The following CNTNAP4 variants were observed in gnomAD, a reference collection of about 807,000 sequenced individuals.
CNTNAP4 encodes the protein contactin associated protein family member 4.
Under a neutral mutation model 148.4 loss-of-function variants are expected in CNTNAP4, and 98 were observed. That is an observed-to-expected ratio of 0.66 (90% CI 0.56 to 0.78). CNTNAP4 has a LOEUF of 0.78. Among genes scored for constraint, CNTNAP4 ranks in the 30% least tolerant of loss-of-function variants. CNTNAP4 has a pLI of 0.00. For missense variants in CNTNAP4, 1,935 were observed against 1,565.6 expected, an observed-to-expected ratio of 1.24 and a Z score of -3.98; for synonymous variants, 730 against 565.1, an observed-to-expected ratio of 1.29 and a Z score of -4.14.
rs1384955631 is a variant in CNTNAP4, at chr16:76,475,928, C to T, written c.1656-11C>T. The stretch of plus-strand genomic sequence containing the variant: ...ATGGAAACTGGTGATTGTATCTGCA[C>T]CTTCTTTTAGGTGTTTGCCCAACTA... On this transcript the variant is annotated splice_polypyrimidine_tract_variant and intron_variant, in intron 10 of 23. Transcript: ENST00000611870. 1 of 1,601,500 alleles carries T rather than the reference C, an allele frequency of 6.2e-7. No individual in the cohort carries two copies. Among genetic ancestry groups the T allele is most frequent in the South Asian group, 1.1e-5 (1 of 90,710 alleles).
At chr16:76,524,998 G>T (rs1427083362) in intron 17 of CNTNAP4, among the ~76,000 whole-genome samples, 1 of 152,042 alleles carries the variant, frequency 6.6e-6, no homozygotes, top group Non-Finnish European at 1.5e-5. Flanking sequence ...TGTAGTCTTG[G>T]GTAGAGAAAA....
intron 15 of CNTNAP4, among the ~76,000 whole-genome samples, chr16:76,504,503 CTA>C (rs1568435042): frequency 6.6e-6 from 1 of 151,978 alleles, no homozygotes; most frequent in African/African-American, 2.4e-5. Flanking sequence ...AAACCACAAA[CTA>C]TAACACTGCT....
At chr16:76,549,865 G>A (rs1361216559) in intron 21 of CNTNAP4, among the ~76,000 whole-genome samples, 1 of 152,076 alleles carries the variant, frequency 6.6e-6, no homozygotes, top group Non-Finnish European at 1.5e-5. Flanking sequence ...CATTCTAAGA[G>A]AATAAAAAGG....
At chr16:76,497,141 A>G (rs186810406) in intron 14 of CNTNAP4, among the ~76,000 whole-genome samples, 2 of 152,332 alleles carry the variant, frequency 1.3e-5, no homozygotes, top group African/African-American at 4.8e-5. Flanking sequence ...GTAAATATAA[A>G]AGCCAGTGTT....
chr16:76,415,091 G>A (rs1197006622), intron 3 of CNTNAP4, among the ~76,000 whole-genome samples: 2 of 150,906 alleles, frequency 1.3e-5, no homozygotes, highest in Non-Finnish European at 3.0e-5. Flanking sequence ...CAAAATTCGG[G>A]ATAAACACAA....
intron 2 of CNTNAP4, among the ~76,000 whole-genome samples, chr16:76,323,214 T>G (rs1380321960): frequency 6.6e-6 from 1 of 152,160 alleles, no homozygotes; most frequent in African/African-American, 2.4e-5. Context: ...GTTATTAGAT[T>G]GAAGTAAAGC....
At chr16:76,321,728 G>A (rs1040343066) in intron 2 of CNTNAP4, among the ~76,000 whole-genome samples, 8 of 145,618 alleles carry the variant, frequency 5.5e-5, no homozygotes, top group Admixed American at 2.1e-4. Flanking sequence ...GGTGGAGGTT[G>A]TAGTGAGCTG....
At chr16:76,480,912 G>A (rs12445605) in intron 12 of CNTNAP4, among the ~76,000 whole-genome samples, 6,384 of 152,162 alleles carry the variant, frequency 0.042, 300 homozygotes, top group African/African-American at 0.11. Context: ...AAAATTATGA[G>A]TAAATACACA....
chr16:76,547,684 G>A (rs1032164791), intron 21 of CNTNAP4, among the ~76,000 whole-genome samples: 5 of 152,108 alleles, frequency 3.3e-5, no homozygotes, highest in African/African-American at 1.2e-4. Context: ...ATTTTCACTC[G>A]TTCCGAGTAG....
chr16:76,490,255 C>T (rs368734503), intron 13 of CNTNAP4, among the ~76,000 whole-genome samples: 30 of 152,256 alleles, frequency 2.0e-4, no homozygotes, highest in East Asian at 1.5e-3. Context: ...AATAAAAATA[C>T]GACTTAGTTT....
At chr16:76,520,252 T>C (rs551256472) in intron 15 of CNTNAP4, among the ~76,000 whole-genome samples, 227 of 152,328 alleles carry the variant, frequency 1.5e-3, no homozygotes, top group Middle Eastern at 3.4e-3. Context: ...TGTCAGCTCA[T>C]GCTGTTGCAT....
chr16:76,513,646 G>C (rs191875545), intron 15 of CNTNAP4, among the ~76,000 whole-genome samples: 1 of 152,024 alleles, frequency 6.6e-6, no homozygotes, highest in Admixed American at 6.5e-5. Flanking sequence ...TTACAAATGG[G>C]CTGTAACAGA....
intron 2 of CNTNAP4, among the ~76,000 whole-genome samples, chr16:76,336,816 A>G (rs974153974): frequency 3.3e-5 from 5 of 152,218 alleles, no homozygotes; most frequent in African/African-American, 1.2e-4. Context: ...TGCTTAAAGA[A>G]GGACATTTCT....
chr16:76,516,726 G>T (rs890147842), intron 15 of CNTNAP4, among the ~76,000 whole-genome samples: 9 of 152,234 alleles, frequency 5.9e-5, no homozygotes, highest in Non-Finnish European at 1.2e-4. Context: ...GCAGTAGAAA[G>T]AGATGAACTA....
At chr16:76,431,968 A>G (rs979503276) in intron 4 of CNTNAP4, among the ~76,000 whole-genome samples, 2 of 152,166 alleles carry the variant, frequency 1.3e-5, no homozygotes, top group Non-Finnish European at 2.9e-5. Context: ...TTGGAACTCC[A>G]AGCCCTCTGA....
At chr16:76,530,779 G>A (rs1175984420) in intron 17 of CNTNAP4, among the ~76,000 whole-genome samples, 1 of 152,146 alleles carries the variant, frequency 6.6e-6, no homozygotes, top group Non-Finnish European at 1.5e-5. Flanking sequence ...TTTGCTTAAT[G>A]AAGAACATTG....
At chr16:76,313,974 G>A (rs1044458917) in intron 1 of CNTNAP4, among the ~76,000 whole-genome samples, 1 of 152,120 alleles carries the variant, frequency 6.6e-6, no homozygotes, top group African/African-American at 2.4e-5. Context: ...CTTTAAAGAT[G>A]ACATCGAATG....
intron 2 of CNTNAP4, among the ~76,000 whole-genome samples, chr16:76,331,283 G>GT (rs1963494012): frequency 6.6e-6 from 1 of 151,980 alleles, no homozygotes; most frequent in African/African-American, 2.4e-5. Flanking sequence ...CGCCTCCCGG[G>GT]TTCACACCAT....
intron 17 of CNTNAP4, among the ~76,000 whole-genome samples, chr16:76,529,814 A>G (rs1170767975): frequency 6.6e-6 from 1 of 151,042 alleles, no homozygotes; most frequent in Non-Finnish European, 1.5e-5. Context: ...AACATATTGA[A>G]GCTCTGAGAC....
Sources: allele counts gnomAD v4.1 joint callset (sites outside exome capture counted in the v4.1 genomes callset), GRCh38; gene constraint gnomAD v4.1.1; transcripts MANE v1.5; gene names NCBI Gene and HGNC (gene_info 2026-07-23, HGNC 2026-07-21).